UCK2: variants seen among roughly 807,000 people sequenced by gnomAD.
UCK2 encodes the protein uridine-cytidine kinase 2.
Under a neutral mutation model 30.8 loss-of-function variants are expected in UCK2, and 6 were observed. That is an observed-to-expected ratio of 0.19 (90% CI 0.11 to 0.38). The LOEUF is 0.38. UCK2 is among the 10% of genes least tolerant of loss of function. The pLI, the probability that UCK2 is intolerant of heterozygous loss-of-function variation, is 1.00. For synonymous variants in UCK2, 125 were observed against 133.6 expected, an observed-to-expected ratio of 0.94 and a Z score of 0.45; for missense variants, 210 against 339.8, an observed-to-expected ratio of 0.62 and a Z score of 3.00.
rs1304970404 is a variant in UCK2, at chr1:165,909,521, T to A, written c.*1698T>A. The stretch of plus-strand genomic sequence containing the variant: ...TGATTCCCCGTTTCTGGGCTCAGTT[T>A]GACTCTAAATCTGTTTTGCTATTTT... On this transcript the variant is annotated 3_prime_UTR_variant, in exon 7 of 7. Transcript: ENST00000367879. 2 of 152,236 alleles carry A rather than the reference T, an allele frequency of 1.3e-5. No homozygotes were observed. Among genetic ancestry groups the A allele is most frequent in the African/African-American group, 4.8e-5 (2 of 41,466 alleles). 9.4% of individuals were successfully genotyped at this position (152,236 alleles called of 1,614,324 possible).
chr1:165,865,096 G>A (rs772313088), intron 1 of UCK2, among the ~76,000 whole-genome samples: 19 of 152,150 alleles, frequency 1.2e-4, no homozygotes, highest in Admixed American at 3.9e-4. Context: ...TCCTTTGGTA[G>A]CTGTACACAT....
rs192890420 is a variant in UCK2, at chr1:165,876,951, A to G, written c.100-13253A>G. On this transcript the variant is annotated intron_variant, in intron 1 of 6. Coordinates refer to ENST00000367879, the MANE Select transcript of UCK2 (RefSeq NM_012474.5). ...GTCATGGGGTTTAGGGCCCACCCTA[A>G]TTCAGGATGATCTCATCTCAAGATA... 7.6e-4 allele frequency among the ~76,000 whole-genome samples: 116 copies of G among 152,350 alleles called. 1 individual carries two copies. The Middle Eastern group carries it at 0.01, about 13-fold the overall frequency.
rs1391629774 is a variant in UCK2, at chr1:165,908,764, T to G, written c.*941T>G. ...CTGCATCCCAGGGGCGTAACTGATC[T>G]GACTCCTTGGGCTTTTTCCTGTATT... On this transcript the variant is annotated 3_prime_UTR_variant, in exon 7 of 7. Transcript: ENST00000367879. 3.3e-5 allele frequency: 5 copies of G among 152,398 alleles called. No homozygotes were observed. The highest frequency in any genetic ancestry group is 1.2e-4 in the African/African-American group (5 of 41,446). The allele number at this position is 152,398 out of a possible 1,614,324, so 9.4% of individuals were successfully genotyped here.
chr1:165,843,518 C>G (rs1169813548), intron 1 of UCK2, among the ~76,000 whole-genome samples: 3 of 152,184 alleles, frequency 2.0e-5, no homozygotes, highest in Non-Finnish European at 4.4e-5. Context: ...GACTCAATGC[C>G]TGTAATCCCA....
intron 1 of UCK2, among the ~76,000 whole-genome samples, chr1:165,829,844 G>A (rs1366393269): frequency 6.6e-6 from 1 of 152,170 alleles, no homozygotes; most frequent in Non-Finnish European, 1.5e-5. Flanking sequence ...AAAGCATGTT[G>A]TACATTTTTA....
chr1:165,877,894 T>A (rs554080636), intron 1 of UCK2, among the ~76,000 whole-genome samples: 6 of 152,314 alleles, frequency 3.9e-5, no homozygotes, highest in Admixed American at 6.5e-5. Flanking sequence ...TGATTCCCCT[T>A]GGCCCAACAC....
chr1:165,853,752 T>A (rs1571273040), intron 1 of UCK2, among the ~76,000 whole-genome samples: 1 of 152,206 alleles, frequency 6.6e-6, no homozygotes, highest in East Asian at 1.9e-4. Context: ...CTATCCTGCA[T>A]CTTTTTCATT....
chr1:165,855,364 T>G (rs963594401), intron 1 of UCK2, among the ~76,000 whole-genome samples: 2 of 152,166 alleles, frequency 1.3e-5, no homozygotes, highest in South Asian at 4.1e-4. Context: ...TGCTTATATA[T>G]AGCAACAGAT....
intron 1 of UCK2, among the ~76,000 whole-genome samples, chr1:165,859,394 A>G (rs893182886): frequency 6.6e-6 from 1 of 152,114 alleles, no homozygotes; most frequent in Non-Finnish European, 1.5e-5. Flanking sequence ...GAGTTGGTTA[A>G]CCTTAACTGA....
intron 4 of UCK2, among the ~76,000 whole-genome samples, chr1:165,901,224 C>T (rs1178128577): frequency 1.3e-5 from 2 of 152,224 alleles, no homozygotes; most frequent in African/African-American, 4.8e-5. Context: ...AGTCCTGACA[C>T]ATTAGCGATC....
intron 3 of UCK2, chr1:165,894,338 T>C (rs2101883623): frequency 6.6e-6 from 1 of 152,262 alleles, no homozygotes; most frequent in Non-Finnish European, 1.5e-5. Flanking sequence ...GTAGGGGAGT[T>C]GCCTAGAGAG....
intron 1 of UCK2, among the ~76,000 whole-genome samples, chr1:165,867,867 G>C (rs1157458711): frequency 1.3e-5 from 2 of 152,172 alleles, no homozygotes; most frequent in Non-Finnish European, 2.9e-5. Context: ...TGTTGTTAAT[G>C]GCATCTAGAA....
chr1:165,843,872 T>TA (rs751366234), intron 1 of UCK2, among the ~76,000 whole-genome samples: 1 of 152,246 alleles, frequency 6.6e-6, no homozygotes, highest in Non-Finnish European at 1.5e-5. Flanking sequence ...TCCACTGCCT[T>TA]ATTTTTTTCT....
intron 1 of UCK2, among the ~76,000 whole-genome samples, chr1:165,875,583 C>G (rs902370054): frequency 4.6e-5 from 7 of 152,196 alleles, no homozygotes; most frequent in Admixed American, 6.5e-5. Flanking sequence ...GACATGCAAA[C>G]CTGAGCCTCT....
chr1:165,891,158 C>G, intron 2 of UCK2, 68 bp from the exon 3 acceptor site: 2 of 1,376,310 alleles, frequency 1.5e-6, no homozygotes. Context: ...ATGAGGATGC[C>G]TTGTGTATGA....
chr1:165,868,040 A>G (rs1005756570), intron 1 of UCK2, among the ~76,000 whole-genome samples: 8 of 152,258 alleles, frequency 5.3e-5, no homozygotes, highest in Non-Finnish European at 1.5e-5. Context: ...GTAGGCAGGC[A>G]TGAGAATAAC....
intron 1 of UCK2, among the ~76,000 whole-genome samples, chr1:165,878,857 A>G (rs1456769866): frequency 6.6e-6 from 1 of 152,224 alleles, no homozygotes; most frequent in African/African-American, 2.4e-5. Context: ...GCTGGATTGT[A>G]TGGTAAGACT....
intron 1 of UCK2, among the ~76,000 whole-genome samples, chr1:165,852,405 A>G (rs1287909934): frequency 6.6e-6 from 1 of 152,262 alleles, no homozygotes; most frequent in African/African-American, 2.4e-5. Context: ...AAGTGGAGAA[A>G]GGATATGAAC....
At chr1:165,866,419 A>G (rs1655048563) in intron 1 of UCK2, among the ~76,000 whole-genome samples, 1 of 152,198 alleles carries the variant, frequency 6.6e-6, no homozygotes, top group Non-Finnish European at 1.5e-5. Flanking sequence ...AGGGCTTGGC[A>G]CTGGAATAAG....
Sources: gnomAD v4.1 joint callset for allele counts (sites outside exome capture counted in the v4.1 genomes callset) on GRCh38, gnomAD v4.1.1 for gene constraint, MANE v1.5 for transcripts, NCBI Gene and HGNC (gene_info 2026-07-23, HGNC 2026-07-21) for gene names.